Variants in DSCAM observed in about 807,000 individuals in gnomAD.
DSCAM encodes the protein cell adhesion molecule DSCAM.
A neutral mutation model predicts 217.7 loss-of-function variants in DSCAM; 47 were observed. The observed-to-expected ratio is 0.22, with a 90% CI of 0.17 to 0.28. The LOEUF is 0.28. DSCAM is among the 10% of genes least tolerant of loss of function. DSCAM has a pLI of 1.00. For synonymous variants in DSCAM, 1,056 were observed against 1,015.3 expected, an observed-to-expected ratio of 1.04 and a Z score of -0.76; for missense variants, 2,080 against 2,618.3, an observed-to-expected ratio of 0.79 and a Z score of 4.49.
At chr21:40,352,447 C>G (rs2074641515) in intron 5 of DSCAM, among the ~76,000 whole-genome samples, 2 of 152,114 alleles carry the variant, frequency 1.3e-5, no homozygotes, top group African/African-American at 4.8e-5. Flanking sequence ...TCAGGCTGGA[C>G]AGCCTGTTCC....
chr21:40,135,731 G>C (rs570975095), intron 18 of DSCAM, among the ~76,000 whole-genome samples: 2 of 152,224 alleles, frequency 1.3e-5, no homozygotes, highest in Non-Finnish European at 2.9e-5. Flanking sequence ...TTGCATGGAG[G>C]TTCACAAATG....
chr21:40,742,625 T>C (rs1279162163), intron 1 of DSCAM, among the ~76,000 whole-genome samples: 3 of 152,170 alleles, frequency 2.0e-5, no homozygotes, highest in African/African-American at 7.2e-5. Context: ...TATACACAAA[T>C]AAAGAAAATC....
At chr21:40,841,728 G>A (rs866709285) in intron 1 of DSCAM, among the ~76,000 whole-genome samples, 37 of 152,322 alleles carry the variant, frequency 2.4e-4, no homozygotes, top group African/African-American at 5.1e-4. Flanking sequence ...AGCTGCTCCC[G>A]GAGCTGCCAC....
At chr21:40,348,130 T>C (rs111970728) in intron 5 of DSCAM, among the ~76,000 whole-genome samples, 185 bp from the exon 6 acceptor site, 17 of 7,930 alleles carry the variant, frequency 2.1e-3, no homozygotes, top group East Asian at 3.9e-3. Flanking sequence ...GCAATCATAC[T>C]CCACACAGTT....
At chr21:40,567,593 G>GC (rs1174689465) in intron 3 of DSCAM, among the ~76,000 whole-genome samples, 1 of 152,016 alleles carries the variant, frequency 6.6e-6, no homozygotes, top group Non-Finnish European at 1.5e-5. Context: ...TTATCCATAC[G>GC]CCCCAAATGC....
In DSCAM at chr21:40,011,982, C is replaced by G. The variant is rs1400251102; in HGVS notation, c.*1052G>C. 6.6e-6 allele frequency: 1 copy of G among 152,216 alleles called. No individual in the cohort carries two copies. The highest frequency in any genetic ancestry group is 1.5e-5 in the Non-Finnish European group (1 of 68,050). 9.4% of individuals were successfully genotyped at this position (152,216 alleles called of 1,614,324 possible). On this transcript the variant is annotated 3_prime_UTR_variant, in exon 33 of 33. Coordinates refer to ENST00000400454, the MANE Select transcript of DSCAM (RefSeq NM_001389.5). ...TTAGGCTTCATGGGCTATACCATCT[C>G]TGCTGCAACTATTCAGCTCTACCAT...
intron 1 of DSCAM, among the ~76,000 whole-genome samples, chr21:40,786,984 T>C (rs1376533044): frequency 6.6e-6 from 1 of 152,240 alleles, no homozygotes; most frequent in Non-Finnish European, 1.5e-5. Context: ...AACCCAGCCC[T>C]GCCTGATTCC....
chr21:40,134,047 G>A (rs887830258), intron 18 of DSCAM, 38 bp from the exon 19 acceptor site: 1 of 1,582,434 alleles, frequency 6.3e-7, no homozygotes, highest in African/African-American at 1.4e-5. Context: ...TCCCACTTCT[G>A]AGCCCATTTC....
At chr21:40,078,623 G>A in intron 26 of DSCAM, 64 bp downstream of exon 26, 1 of 1,566,876 alleles carries the variant, frequency 6.4e-7, no homozygotes. Flanking sequence ...ATGGGAAAGG[G>A]GCAGGGCCCA....
chr21:40,141,605 G>A (rs943343025), intron 18 of DSCAM, among the ~76,000 whole-genome samples: 10 of 152,060 alleles, frequency 6.6e-5, no homozygotes, highest in Admixed American at 1.3e-4. Context: ...GTGACAGAGG[G>A]AGACCCTGTC....
chr21:40,843,790 CTTTTTTTTT>C (rs56383167), intron 1 of DSCAM, among the ~76,000 whole-genome samples: 3 of 118,986 alleles, frequency 2.5e-5, no homozygotes, highest in Non-Finnish European at 3.5e-5. Context: ...CTGACTTCTT[CTTTTTTTTT>C]TTTTTTTTTT....
At chr21:40,415,857 G>A (rs1189846108) in intron 3 of DSCAM, among the ~76,000 whole-genome samples, 2 of 151,958 alleles carry the variant, frequency 1.3e-5, no homozygotes, top group Non-Finnish European at 2.9e-5. Context: ...CTCTCAGGAC[G>A]GCACCATCAT....
chr21:40,177,260 C>A (rs1292179472), intron 15 of DSCAM, among the ~76,000 whole-genome samples: 1 of 152,142 alleles, frequency 6.6e-6, no homozygotes, highest in African/African-American at 2.4e-5. Context: ...CTGAGACATG[C>A]AAAGTATTTT....
In DSCAM at chr21:40,012,873, A is replaced by T; in HGVS notation, c.*161T>A. On this transcript the variant is annotated 3_prime_UTR_variant, in exon 33 of 33. Coordinates refer to ENST00000400454, the MANE Select transcript of DSCAM (RefSeq NM_001389.5). ...CACTCAGACAGAAAAAAAGCAGGAG[A>T]GTCTTTGCACTGTCTGTGGTTTCAG... The T allele has an allele frequency of 2.0e-6, 1 of 503,464 alleles. No individual in the cohort carries two copies. The highest frequency in any genetic ancestry group is 5.6e-4 in the Middle Eastern group (1 of 1,792). The allele number at this position is 503,464 out of a possible 1,614,324, so 31.2% of individuals were successfully genotyped here. A position where few individuals can be genotyped will look rare whatever the true frequency, so the allele number is the denominator to read the frequency against.
chr21:40,221,094 T>G lies in DSCAM; in HGVS notation c.2357-31856A>C, dbSNP rs1369203434. Among the ~76,000 whole-genome samples the G allele has an allele frequency of 2.0e-5, 3 of 152,190 alleles. No individual in the cohort carries two copies. The East Asian group carries it at 5.8e-4, about 29-fold the overall frequency. On this transcript the variant is annotated intron_variant, in intron 11 of 32. Transcript: ENST00000400454. ...GCAAAGTAAGGATTTAAATTCATTTTTGCCTGACTATAGTACCTCTGTTTA... is the reference window on the plus strand; with the variant it reads ...GCAAAGTAAGGATTTAAATTCATTTGTGCCTGACTATAGTACCTCTGTTTA...
At chr21:40,738,330 G>C (rs1450532172) in intron 1 of DSCAM, among the ~76,000 whole-genome samples, 4 of 152,230 alleles carry the variant, frequency 2.6e-5, no homozygotes, top group Middle Eastern at 3.2e-3. Flanking sequence ...CAGTGGGAAA[G>C]AGTTGCATCA....
At chr21:40,017,240 G>A (rs918025008) in intron 32 of DSCAM, among the ~76,000 whole-genome samples, 1 of 151,828 alleles carries the variant, frequency 6.6e-6, no homozygotes, top group Non-Finnish European at 1.5e-5. Flanking sequence ...TTTTTTCCGC[G>A]AACAACAGGA....
chr21:40,119,408 G>T (rs2090007566), intron 20 of DSCAM, among the ~76,000 whole-genome samples: 1 of 152,192 alleles, frequency 6.6e-6, no homozygotes, highest in Non-Finnish European at 1.5e-5. Context: ...TGGGCACATT[G>T]AATGCGAAGT....
intron 18 of DSCAM, among the ~76,000 whole-genome samples, chr21:40,137,088 C>A (rs9977834): frequency 0.083 from 12,357 of 148,110 alleles, 709 homozygotes; most frequent in Non-Finnish European, 0.12. Flanking sequence ...GGCAAGAGAA[C>A]GGCGTGAACC....
Sources: gnomAD v4.1 joint callset for allele counts (sites outside exome capture counted in the v4.1 genomes callset) on GRCh38, gnomAD v4.1.1 for gene constraint, MANE v1.5 for transcripts, NCBI Gene and HGNC (gene_info 2026-07-23, HGNC 2026-07-21) for gene names.